The following WAC variants were observed in gnomAD, a reference collection of about 807,000 sequenced individuals.
WAC encodes WW domain-containing adapter protein with coiled-coil.
Under a neutral mutation model 79.6 loss-of-function variants are expected in WAC, and 11 were observed. The observed-to-expected ratio is 0.14, with a 90% CI of 0.09 to 0.23. The LOEUF (loss-of-function observed/expected upper bound fraction) is 0.23. Ranked by LOEUF, WAC falls within the 10% of genes least tolerant of loss-of-function variation. WAC has a pLI of 1.00. For synonymous variants in WAC, 304 were observed against 276.9 expected, an observed-to-expected ratio of 1.10 and a Z score of -0.97; for missense variants, 728 against 773.5, an observed-to-expected ratio of 0.94 and a Z score of 0.70.
intron 7 of WAC, among the ~76,000 whole-genome samples, chr10:28,599,028 G>A (rs1227876329): frequency 6.6e-6 from 1 of 152,046 alleles, no homozygotes; most frequent in Non-Finnish European, 1.5e-5. Flanking sequence ...TTTCCATTTA[G>A]TCTGTTTAGA....
At chr10:28,579,174 A>T (rs1240412121) in intron 3 of WAC, among the ~76,000 whole-genome samples, 1 of 143,922 alleles carries the variant, frequency 6.9e-6, no homozygotes, top group Admixed American at 7.0e-5. Context: ...GGGTAGATGA[A>T]TTTTTTTTTT....
intron 3 of WAC, among the ~76,000 whole-genome samples, chr10:28,547,332 A>G (rs1589135389): frequency 6.6e-6 from 1 of 152,134 alleles, no homozygotes; most frequent in South Asian, 2.1e-4. Context: ...GTCAGGAGTT[A>G]GAGACCAGCC....
At chr10:28,544,050 T>G (rs536036344) in intron 3 of WAC, among the ~76,000 whole-genome samples, 21 of 152,256 alleles carry the variant, frequency 1.4e-4, no homozygotes, top group Middle Eastern at 3.4e-3. Flanking sequence ...GCCCAGCTAA[T>G]TTTTGTATTT....
At chr10:28,535,370 G>A in intron 2 of WAC, 192 bp from the exon 3 acceptor site, 6 of 490,196 alleles carry the variant, frequency 1.2e-5, no homozygotes, top group East Asian at 7.6e-5. Flanking sequence ...GTTATCAGGA[G>A]TCTTATTGTA....
chr10:28,578,151 T>C (rs916574448), intron 3 of WAC, among the ~76,000 whole-genome samples: 33 of 152,142 alleles, frequency 2.2e-4, no homozygotes, highest in African/African-American at 7.9e-4. Context: ...TGAGAGATCC[T>C]GTCTCAAAAC....
rs113550992 is a variant in WAC at position 28,617,587 on chromosome 10, G to T, written c.1747-70G>T. On this transcript the variant is annotated intron_variant, in intron 12 of 13. Coordinates refer to ENST00000354911, the MANE Select transcript of WAC (RefSeq NM_016628.5). ...TAATCCTAGTATAAAATTGTACTCA[G>T]AAATTTAATGTTTTATTTTGTGTAT... 5.1e-6 allele frequency: 7 copies of T among 1,376,538 alleles called. No homozygotes were observed. In the African/African-American group the frequency reaches 7.6e-5, roughly 15 times the overall value. 85.3% of individuals were successfully genotyped at this position (1,376,538 alleles called of 1,614,324 possible).
At chr10:28,599,456 A>G (rs555456007) in intron 7 of WAC, among the ~76,000 whole-genome samples, 10 of 152,318 alleles carry the variant, frequency 6.6e-5, no homozygotes, top group South Asian at 4.1e-4. Flanking sequence ...ATGGATGCCT[A>G]TACTACATGT....
chr10:28,596,397 ATACT>A (rs1840368039), intron 7 of WAC, among the ~76,000 whole-genome samples: 1 of 151,546 alleles, frequency 6.6e-6, no homozygotes, highest in Admixed American at 6.6e-5. Flanking sequence ...TTTTCTCTTA[ATACT>A]TAATATAAAT....
rs149092695 is a variant in WAC, at chr10:28,540,175, C to T, written c.274+4418C>T. Among the ~76,000 whole-genome samples the T allele has an allele frequency of 2.1e-3, 313 of 152,256 alleles. 2 individuals are homozygous for T. The highest frequency in any genetic ancestry group is 7.3e-3 in the African/African-American group (302 of 41,550). ...AAGTAAGTATACAAATTAACAGTCG[C>T]TTTTGATACTCATGTTAACTTTGGA... On this transcript the variant is annotated intron_variant, in intron 3 of 13. Coordinates refer to ENST00000354911, the MANE Select transcript of WAC (RefSeq NM_016628.5).
chr10:28,552,354 C>G (rs1480278107), intron 3 of WAC, among the ~76,000 whole-genome samples: 2 of 152,066 alleles, frequency 1.3e-5, no homozygotes, highest in African/African-American at 4.8e-5. Flanking sequence ...GCCTGTTGGT[C>G]AGAGTGGTAG....
upstream of WAC, chr10:28,533,031 A>C (rs969063173): frequency 3.2e-5 from 5 of 154,268 alleles, no homozygotes; most frequent in African/African-American, 1.2e-4. Context: ...GGTGTTCCGG[A>C]CCCGCGCGGT....
At chr10:28,556,018 T>C (rs543758642) in intron 3 of WAC, among the ~76,000 whole-genome samples, 1 of 152,194 alleles carries the variant, frequency 6.6e-6, no homozygotes, top group East Asian at 1.9e-4. Flanking sequence ...ACCTGGGAGA[T>C]AGTGGAGGAT....
At chr10:28,536,820 C>T (rs542022602) in intron 3 of WAC, among the ~76,000 whole-genome samples, 1 of 152,286 alleles carries the variant, frequency 6.6e-6, no homozygotes, top group South Asian at 2.1e-4. Context: ...GTAAAGACAC[C>T]TATATTCTCT....
chr10:28,567,785 C>T (rs1838729169), intron 3 of WAC, among the ~76,000 whole-genome samples: 1 of 152,030 alleles, frequency 6.6e-6, no homozygotes, highest in Non-Finnish European at 1.5e-5. Flanking sequence ...GATGAGGTCC[C>T]ACTTTATAGC....
At chr10:28,555,903 A>C (rs143833802) in intron 3 of WAC, among the ~76,000 whole-genome samples, 2 of 152,136 alleles carry the variant, frequency 1.3e-5, no homozygotes, top group East Asian at 1.9e-4. Context: ...ATGAGCTTCT[A>C]TTCTTTATAA....
intron 3 of WAC, among the ~76,000 whole-genome samples, chr10:28,541,132 A>G (rs1359194920): frequency 3.3e-5 from 5 of 152,114 alleles, no homozygotes; most frequent in Admixed American, 2.6e-4. Context: ...ACTGTTTTCT[A>G]GTTGTGCAGG....
chr10:28,621,215 A>ATTTTTTTTT lies in WAC; in HGVS notation c.*1621_*1629dup, dbSNP rs9331408. 2 of 102,504 alleles carry ATTTTTTTTT rather than the reference A, an allele frequency of 2.0e-5. No homozygotes were observed. The highest frequency in any genetic ancestry group is 3.9e-5 in the Non-Finnish European group (2 of 51,872). The allele number at this position is 102,504 out of a possible 1,614,324, so 6.3% of individuals were successfully genotyped here. On this transcript the variant is annotated 3_prime_UTR_variant, in exon 14 of 14. Coordinates refer to ENST00000354911, the MANE Select transcript of WAC (RefSeq NM_016628.5). ...TAAATTGGTTTAGGGTTTTTTGGTG[A>ATTTTTTTTT]TTTTTTTTTTTTTTTTTTTTCTGTT...
chr10:28,569,632 A>G (rs1330636139), intron 3 of WAC, among the ~76,000 whole-genome samples: 1 of 152,152 alleles, frequency 6.6e-6, no homozygotes, highest in Non-Finnish European at 1.5e-5. Context: ...TCCTCAGTGA[A>G]CTTCTATAAT....
chr10:28,561,602 C>G (rs890269771), intron 3 of WAC, among the ~76,000 whole-genome samples: 2 of 151,858 alleles, frequency 1.3e-5, no homozygotes, highest in Admixed American at 1.3e-4. Context: ...TAAGTTTTTT[C>G]GCTAGGTGGG....
Sources: gnomAD v4.1 joint callset for allele counts (sites outside exome capture counted in the v4.1 genomes callset) on GRCh38, gnomAD v4.1.1 for gene constraint, MANE v1.5 for transcripts, NCBI Gene and HGNC (gene_info 2026-07-23, HGNC 2026-07-21) for gene names.